Variants in PDSS2 observed in about 807,000 individuals in gnomAD.
PDSS2 encodes all trans-polyprenyl-diphosphate synthase PDSS2.
PDSS2 carries 31 observed loss-of-function variants against 44.5 expected under a neutral mutation model. The observed-to-expected ratio is 0.70, with a 90% confidence interval of 0.52 to 0.94. The LOEUF is 0.94. Ranked by LOEUF, PDSS2 falls within the 40% of genes least tolerant of loss-of-function variation. The probability of loss-of-function intolerance (pLI) is 0.00; values close to 1 mark genes in which losing one functional copy is unlikely to be tolerated. For synonymous variants in PDSS2, 157 were observed against 180.3 expected (o/e 0.87, Z 1.03); for missense variants, 452 against 482.2 (o/e 0.94, Z 0.59).
intron 7 of PDSS2, among the ~76,000 whole-genome samples, chr6:107,162,417 C>T (rs921969489): frequency 2.2e-5 from 3 of 137,650 alleles, no homozygotes; most frequent in East Asian, 2.2e-4. Context: ...TGCTTGAACA[C>T]GAGAGGTGGA....
At chr6:107,247,281 T>C (rs1399739541) in intron 3 of PDSS2, among the ~76,000 whole-genome samples, 1 of 152,186 alleles carries the variant, frequency 6.6e-6, no homozygotes, top group African/African-American at 2.4e-5. Flanking sequence ...AAAGAGAAAG[T>C]CTGACGCTAA....
chr6:107,444,933 A>C (rs1781621826), intron 1 of PDSS2, among the ~76,000 whole-genome samples: 1 of 152,194 alleles, frequency 6.6e-6, no homozygotes, highest in Admixed American at 6.6e-5. Flanking sequence ...TTTTGAAGGC[A>C]AAAGCAAAAG....
chr6:107,413,498 T>C (rs930285180), intron 1 of PDSS2, among the ~76,000 whole-genome samples: 1 of 152,218 alleles, frequency 6.6e-6, no homozygotes, highest in Admixed American at 6.5e-5. Flanking sequence ...ATTATGCCAC[T>C]GTACTTCACC....
chr6:107,196,660 TC>T (rs1772572108), intron 6 of PDSS2, among the ~76,000 whole-genome samples: 3 of 152,224 alleles, frequency 2.0e-5, no homozygotes, highest in Non-Finnish European at 4.4e-5. Context: ...CTTCAGAAAC[TC>T]ACCAAGTGAT....
intron 2 of PDSS2, among the ~76,000 whole-genome samples, chr6:107,324,677 T>C (rs1777483515): frequency 6.6e-6 from 1 of 152,138 alleles, no homozygotes; most frequent in Admixed American, 6.5e-5. Flanking sequence ...CATGTTATCT[T>C]AAAAACAAAA....
At chr6:107,156,186 G>A (rs1582705566) in intron 7 of PDSS2, among the ~76,000 whole-genome samples, 1 of 147,038 alleles carries the variant, frequency 6.8e-6, no homozygotes, top group African/African-American at 2.5e-5. Flanking sequence ...CACTGTGCCC[G>A]GCCTGAATGC....
At chr6:107,445,014 C>CTTACTACT in intron 1 of PDSS2, among the ~76,000 whole-genome samples, 1 of 152,092 alleles carries the variant, frequency 6.6e-6, no homozygotes, top group East Asian at 1.9e-4. Flanking sequence ...TAAATAAAGC[C>CTTACTACT]TTACTACTCA....
At chr6:107,404,713 A>G (rs1402452418) in intron 1 of PDSS2, among the ~76,000 whole-genome samples, 1 of 152,120 alleles carries the variant, frequency 6.6e-6, no homozygotes, top group Non-Finnish European at 1.5e-5. Context: ...TGATTCAATT[A>G]CCTTCCCACT....
At chr6:107,390,136 C>CCCTCCA (rs1779735631) in intron 1 of PDSS2, among the ~76,000 whole-genome samples, 1 of 152,028 alleles carries the variant, frequency 6.6e-6, no homozygotes, top group Non-Finnish European at 1.5e-5. Flanking sequence ...TACACAGATA[C>CCCTCCA]CCTCCAAGAG....
intron 2 of PDSS2, among the ~76,000 whole-genome samples, chr6:107,331,752 A>C (rs1777717840): frequency 6.6e-6 from 1 of 152,212 alleles, no homozygotes; most frequent in Non-Finnish European, 1.5e-5. Flanking sequence ...TAAAATAGGA[A>C]TAACTTACTT....
intron 1 of PDSS2, among the ~76,000 whole-genome samples, chr6:107,407,008 T>G (rs1780341847): frequency 6.6e-6 from 1 of 152,130 alleles, no homozygotes; most frequent in Non-Finnish European, 1.5e-5. Flanking sequence ...AGCCACTGAC[T>G]GGGGGTTGGG....
intron 1 of PDSS2, among the ~76,000 whole-genome samples, chr6:107,404,364 AC>A (rs1223759303): frequency 6.6e-5 from 10 of 152,136 alleles, no homozygotes; most frequent in African/African-American, 2.4e-4. Context: ...TCTGCCTGTT[AC>A]CCAGTTCTAA....
chr6:107,216,578 T>G (rs1339296524), intron 4 of PDSS2, among the ~76,000 whole-genome samples: 5 of 152,174 alleles, frequency 3.3e-5, no homozygotes, highest in Non-Finnish European at 7.3e-5. Context: ...GTTAAAATAC[T>G]ATTGCAGGAA....
intron 3 of PDSS2, among the ~76,000 whole-genome samples, chr6:107,262,449 G>A (rs1775271753): frequency 6.6e-6 from 1 of 151,946 alleles, no homozygotes; most frequent in African/African-American, 2.4e-5. Context: ...AAACATCAGA[G>A]GAAAGCAAGA....
At chr6:107,303,755 G>T (rs999348014) in intron 2 of PDSS2, among the ~76,000 whole-genome samples, 2 of 152,072 alleles carry the variant, frequency 1.3e-5, no homozygotes, top group African/African-American at 4.8e-5. Flanking sequence ...CTCTATTATT[G>T]TAAACACTGC....
chr6:107,154,843 T>C (rs545107535), intron 7 of PDSS2, 66 bp from the exon 8 acceptor site: 522 of 1,387,184 alleles, frequency 3.8e-4, no homozygotes, highest in Middle Eastern at 2.1e-3. Flanking sequence ...CACAATTAAA[T>C]TGGGGAGGGG....
At chr6:107,249,069 T>C (rs1774725477) in intron 3 of PDSS2, among the ~76,000 whole-genome samples, 1 of 152,206 alleles carries the variant, frequency 6.6e-6, no homozygotes, top group South Asian at 2.1e-4. Context: ...GGAAATGATT[T>C]ATATATACTG....
rs1191906793 is a variant in PDSS2 at position 107,284,515 on chromosome 6, GC to G, written c.432-10289del. 2.0e-5 allele frequency among the ~76,000 whole-genome samples: 3 copies of G among 151,940 alleles called. No individual in the cohort carries two copies. The East Asian group carries it at 5.8e-4, about 29-fold the overall frequency. On this transcript the variant is annotated intron_variant, in intron 2 of 7. Transcript: ENST00000369037. ...GTCTCTACTAAAAATACAAAAATTA[GC>G]CTGGCGTGGTGGCAGGCGCCTGTAA...
chr6:107,422,782 G>C (rs932986500), intron 1 of PDSS2, among the ~76,000 whole-genome samples: 1 of 151,962 alleles, frequency 6.6e-6, no homozygotes, highest in South Asian at 2.1e-4. Context: ...GAGTAATTAA[G>C]ACTAGGGTAA....
Sources: gnomAD v4.1 joint callset for allele counts (sites outside exome capture counted in the v4.1 genomes callset) on GRCh38, gnomAD v4.1.1 for gene constraint, MANE v1.5 for transcripts, NCBI Gene and HGNC (gene_info 2026-07-23, HGNC 2026-07-21) for gene names.